The following CDH18 variants were observed in gnomAD, a reference collection of about 807,000 sequenced individuals.
CDH18 encodes cadherin-18.
In CDH18, 31 loss-of-function variants were observed where a neutral mutation model predicts 67.9. The observed-to-expected ratio is 0.46, with a 90% CI of 0.34 to 0.62. The LOEUF (loss-of-function observed/expected upper bound fraction) is 0.62. Ranked by LOEUF, CDH18 falls within the 20% of genes least tolerant of loss-of-function variation. CDH18 has a pLI of 0.01. For missense variants in CDH18, 890 were observed against 975.5 expected (o/e 0.91, Z 1.17); for synonymous variants, 362 against 347.2 (o/e 1.04, Z -0.48).
intron 2 of CDH18, among the ~76,000 whole-genome samples, chr5:20,177,216 T>A (rs911446000): frequency 6.6e-6 from 1 of 151,920 alleles, no homozygotes; most frequent in African/African-American, 2.4e-5. Context: ...AGTAACAGTT[T>A]CAAAATTCTG....
At chr5:19,741,133 T>A (rs1769068096) in intron 4 of CDH18, among the ~76,000 whole-genome samples, 1 of 71,198 alleles carries the variant, frequency 1.4e-5, no homozygotes, top group Admixed American at 1.6e-4. Flanking sequence ...TACATGTAAA[T>A]ATACATGTAT....
intron 2 of CDH18, among the ~76,000 whole-genome samples, chr5:19,871,998 T>C (rs891138894): frequency 1.3e-5 from 2 of 152,202 alleles, no homozygotes; most frequent in Non-Finnish European, 2.9e-5. Context: ...TTGTCTCCCA[T>C]TGGAAACTGG....
At chr5:20,253,718 TAAAC>T (rs1178344688) in intron 2 of CDH18, among the ~76,000 whole-genome samples, 4 of 152,132 alleles carry the variant, frequency 2.6e-5, no homozygotes, top group Non-Finnish European at 5.9e-5. Context: ...TGTAAAAAGT[TAAAC>T]AAAATCTCCA....
chr5:20,026,060 G>A (rs568955107), intron 2 of CDH18, among the ~76,000 whole-genome samples: 3 of 152,044 alleles, frequency 2.0e-5, no homozygotes, highest in South Asian at 2.1e-4. Flanking sequence ...TCTATTCTAC[G>A]CTTGTCACAA....
chr5:19,798,404 A>G (rs951336004), intron 3 of CDH18, among the ~76,000 whole-genome samples: 1 of 152,064 alleles, frequency 6.6e-6, no homozygotes, highest in East Asian at 1.9e-4. Flanking sequence ...TCATTAAAAA[A>G]TTATGCTCAA....
intron 2 of CDH18, among the ~76,000 whole-genome samples, chr5:20,049,625 C>T (rs982058478): frequency 2.0e-5 from 3 of 151,588 alleles, no homozygotes; most frequent in African/African-American, 7.3e-5. Flanking sequence ...CCATGTTGAC[C>T]TAAAAAGAGC....
intron 11 of CDH18, among the ~76,000 whole-genome samples, chr5:19,489,449 A>G (rs375514554): frequency 5.3e-4 from 80 of 151,908 alleles, no homozygotes; most frequent in South Asian, 2.7e-3. Flanking sequence ...GGGTTTCACC[A>G]TGTTGGCCAG....
chr5:20,359,930 G>A (rs929124587), intron 1 of CDH18, among the ~76,000 whole-genome samples: 5 of 151,352 alleles, frequency 3.3e-5, no homozygotes, highest in Non-Finnish European at 7.4e-5. Context: ...TATAGAAATA[G>A]TGATGAAATA....
At chr5:20,531,525 T>C (rs1038168154) in intron 1 of CDH18, among the ~76,000 whole-genome samples, 2 of 151,992 alleles carry the variant, frequency 1.3e-5, no homozygotes, top group Non-Finnish European at 2.9e-5. Flanking sequence ...AAAGAAAACA[T>C]GATACATATA....
At chr5:19,920,893 G>GCACACACACACACACA (rs70954622) in intron 2 of CDH18, among the ~76,000 whole-genome samples, 1,540 of 146,178 alleles carry the variant, frequency 0.011, 29 homozygotes, top group African/African-American at 0.034. Flanking sequence ...ACCCACAAGA[G>GCACACACACACACACA]CACACACACA....
At chr5:19,553,179 C>T (rs898401880) in intron 8 of CDH18, among the ~76,000 whole-genome samples, 12 of 152,018 alleles carry the variant, frequency 7.9e-5, no homozygotes, top group African/African-American at 2.7e-4. Context: ...GGTATACATT[C>T]GTGATAATCA....
chr5:19,546,718 C>T (rs1419279467), intron 8 of CDH18, among the ~76,000 whole-genome samples: 1 of 152,088 alleles, frequency 6.6e-6, no homozygotes, highest in Non-Finnish European at 1.5e-5. Context: ...ATCTTCTAAC[C>T]TCCTGTGGAG....
intron 9 of CDH18, among the ~76,000 whole-genome samples, chr5:19,528,482 A>G (rs967695675): frequency 6.6e-6 from 1 of 151,580 alleles, no homozygotes; most frequent in Non-Finnish European, 1.5e-5. Flanking sequence ...TACTATGTAA[A>G]ATAATTAATA....
intron 2 of CDH18, among the ~76,000 whole-genome samples, chr5:20,239,531 GGAGAT>G (rs1365581639): frequency 1.3e-5 from 2 of 152,140 alleles, no homozygotes; most frequent in African/African-American, 2.4e-5. Flanking sequence ...CACAGGTTAA[GGAGAT>G]GAGAGGCAGA....
chr5:19,635,106 G>A (rs536724159), intron 5 of CDH18, among the ~76,000 whole-genome samples: 126 of 152,242 alleles, frequency 8.3e-4, no homozygotes, highest in Non-Finnish European at 1.6e-3. Flanking sequence ...ATTTACTCAT[G>A]AGAACAAAGA....
chr5:19,922,203 T>A (rs1264660127), intron 2 of CDH18, among the ~76,000 whole-genome samples: 1 of 152,308 alleles, frequency 6.6e-6, no homozygotes, highest in African/African-American at 2.4e-5. Flanking sequence ...TAATATAAAA[T>A]AAACTGCTAG....
chr5:19,707,733 T>C (rs747654202), intron 5 of CDH18, among the ~76,000 whole-genome samples: 1 of 152,190 alleles, frequency 6.6e-6, no homozygotes, highest in Non-Finnish European at 1.5e-5. Flanking sequence ...AATCTGCTCC[T>C]ATAACTGAGG....
intron 12 of CDH18, among the ~76,000 whole-genome samples, chr5:19,474,421 T>C (rs551235898): frequency 6.6e-6 from 1 of 152,272 alleles, no homozygotes; most frequent in African/African-American, 2.4e-5. Flanking sequence ...GCTGTGGCTT[T>C]ACTCTATTTT....
intron 1 of CDH18, among the ~76,000 whole-genome samples, chr5:20,367,758 A>G (rs777989978): frequency 5.9e-5 from 9 of 152,256 alleles, no homozygotes; most frequent in Non-Finnish European, 1.0e-4. Context: ...AAGTGACTAC[A>G]TAGGTAATCT....
Sources: gnomAD v4.1 joint callset for allele counts (sites outside exome capture counted in the v4.1 genomes callset) on GRCh38, gnomAD v4.1.1 for gene constraint, MANE v1.5 for transcripts, NCBI Gene and HGNC (gene_info 2026-07-23, HGNC 2026-07-21) for gene names.